The following KLHL18 variants were observed in gnomAD, a reference collection of about 807,000 sequenced individuals.
KLHL18 encodes the protein kelch-like protein 18.
KLHL18 carries 38 observed loss-of-function variants against 58.5 expected under a neutral mutation model. That is an observed-to-expected ratio of 0.65 (90% CI 0.50 to 0.85). The LOEUF is 0.85. Among genes scored for constraint, KLHL18 ranks in the 40% least tolerant of loss-of-function variants. The pLI is 0.00. For missense variants in KLHL18, 624 were observed against 778.4 expected, an observed-to-expected ratio of 0.80 and a Z score of 2.36; for synonymous variants, 303 against 301.9, an observed-to-expected ratio of 1.00 and a Z score of -0.04.
At chr3:47,325,354 C>G (rs554407587) in intron 3 of KLHL18, among the ~76,000 whole-genome samples, 6 of 152,046 alleles carry the variant, frequency 3.9e-5, no homozygotes, top group Admixed American at 2.0e-4. Flanking sequence ...CCTGCCACCA[C>G]GCCTGGCTAA....
intron 3 of KLHL18, among the ~76,000 whole-genome samples, chr3:47,329,461 T>A (rs935983188): frequency 5.3e-5 from 8 of 152,132 alleles, no homozygotes; most frequent in Admixed American, 1.3e-4. Context: ...TCTCGTGACC[T>A]CGTGATCTGC....
chr3:47,292,936 A>C (rs1487321902), intron 1 of KLHL18, among the ~76,000 whole-genome samples: 1 of 151,648 alleles, frequency 6.6e-6, no homozygotes, highest in Non-Finnish European at 1.5e-5. Flanking sequence ...ATATACATAC[A>C]GTGAAATATT....
At chr3:47,325,516 G>T (rs1383643216) in intron 3 of KLHL18, among the ~76,000 whole-genome samples, 2 of 152,126 alleles carry the variant, frequency 1.3e-5, no homozygotes, top group Non-Finnish European at 1.5e-5. Flanking sequence ...TCATTTTCAA[G>T]ATTTGATTGC....
chr3:47,341,697 C>T (rs1441184807), intron 8 of KLHL18, among the ~76,000 whole-genome samples: 6 of 151,946 alleles, frequency 3.9e-5, no homozygotes, highest in African/African-American at 7.3e-5. Flanking sequence ...GGATGGGAGA[C>T]GGAGCAGGGT....
chr3:47,288,695 A>G (rs191777166), intron 1 of KLHL18, among the ~76,000 whole-genome samples: 78 of 152,002 alleles, frequency 5.1e-4, no homozygotes, highest in South Asian at 2.1e-3. Flanking sequence ...AAAGAGTAAC[A>G]TATTCATTTA....
intron 1 of KLHL18, among the ~76,000 whole-genome samples, chr3:47,317,168 A>G (rs1443406284): frequency 1.3e-5 from 2 of 152,176 alleles, no homozygotes; most frequent in Non-Finnish European, 2.9e-5. Context: ...GGCTGAGTGC[A>G]GTGGTACGGT....
chr3:47,325,283 C>T (rs190974930), intron 3 of KLHL18, among the ~76,000 whole-genome samples: 37 of 152,034 alleles, frequency 2.4e-4, no homozygotes, highest in Admixed American at 2.6e-4. Flanking sequence ...CTGCAAGCTC[C>T]GCCTCCTGTG....
Position 47,334,550 on chromosome 3 carries a change from G to T in KLHL18, c.762-133G>T. 8.1e-6 allele frequency: 8 copies of T among 982,626 alleles called. No homozygotes were observed. The highest frequency in any genetic ancestry group is 1.6e-5 in the African/African-American group (1 of 61,924). 60.9% of individuals were successfully genotyped at this position (982,626 alleles called of 1,614,324 possible). The stretch of plus-strand genomic sequence containing the variant: ...CCCAGAACTCACCTGGTTTCTTTGA[G>T]ACCAGACCTTCCAGAAGGCTTCTCC... On this transcript the variant is annotated intron_variant, in intron 5 of 9. Transcript: ENST00000232766. This position sits in a 1 kb window ranked among gnomAD's most constrained non-coding sequence, Gnocchi z 4.7.
At chr3:47,311,603 A>C (rs1227485391) in intron 1 of KLHL18, among the ~76,000 whole-genome samples, 2 of 152,170 alleles carry the variant, frequency 1.3e-5, no homozygotes, top group Admixed American at 6.5e-5. Flanking sequence ...GAGGCAGGAG[A>C]ATCACTTGAA....
chr3:47,319,875 A>G (rs901869586), intron 2 of KLHL18, 92 bp downstream of exon 2: 16 of 1,308,476 alleles, frequency 1.2e-5, no homozygotes, highest in Admixed American at 1.8e-5. Context: ...AGCAGGACAC[A>G]GTGTCTAATA....
At chr3:47,329,923 A>ATTTTTTTTTTTT in intron 3 of KLHL18, 28 bp from the exon 4 acceptor site, 1 of 1,451,856 alleles carries the variant, frequency 6.9e-7, no homozygotes, top group Non-Finnish European at 9.5e-7. Flanking sequence ...TCTTCCTCTA[A>ATTTTTTTTTTTT]TTTTTTTTTT....
intron 1 of KLHL18, among the ~76,000 whole-genome samples, chr3:47,317,385 A>G (rs961084327): frequency 6.6e-6 from 1 of 152,196 alleles, no homozygotes; most frequent in Admixed American, 6.5e-5. Flanking sequence ...AAGTGCTGAG[A>G]TTACAGGTGT....
intron 1 of KLHL18, among the ~76,000 whole-genome samples, chr3:47,289,566 TGTG>T (rs1219924555): frequency 6.6e-6 from 1 of 152,198 alleles, no homozygotes; most frequent in Non-Finnish European, 1.5e-5. Context: ...ATTTTTATGT[TGTG>T]TATATAGTAC....
At chr3:47,287,508 CAG>C (rs777027702) in intron 1 of KLHL18, 2 of 151,284 alleles carry the variant, frequency 1.3e-5, no homozygotes, top group Non-Finnish European at 2.9e-5. Flanking sequence ...TTTTTTGAGA[CAG>C]AGTCTTGCTC....
At chr3:47,333,581 C>A (rs780988441) in intron 5 of KLHL18, among the ~76,000 whole-genome samples, 1 of 152,242 alleles carries the variant, frequency 6.6e-6, no homozygotes, top group Non-Finnish European at 1.5e-5. Flanking sequence ...GATTTTCCAG[C>A]ATCTTTCCCC....
chr3:47,336,560 G>T lies in KLHL18; in HGVS notation c.924G>T (p.Val308=). 2 of 1,614,126 alleles carry T rather than the reference G, an allele frequency of 1.2e-6. No individual in the cohort carries two copies. The highest frequency in any genetic ancestry group is 1.7e-6 in the Non-Finnish European group (2 of 1,179,944). The stretch of plus-strand genomic sequence containing the variant: ...GTGATTCCCTGAATGTGGTGGAAGT[G>T]TTCGACCCCATTGCCAATTGCTGGG... ...SAGDSLNVVE[V]FDPIANCWER... The change falls in exon 7 of 10, where the codon GTG becomes GTT. Residue 308 remains valine, a synonymous_variant. Coordinates refer to ENST00000232766, the MANE Select transcript of KLHL18 (RefSeq NM_025010.5).
At chr3:47,316,327 A>G (rs1350085332) in intron 1 of KLHL18, among the ~76,000 whole-genome samples, 1 of 151,820 alleles carries the variant, frequency 6.6e-6, no homozygotes, top group Admixed American at 6.6e-5. Context: ...GGATTTCTCA[A>G]TAACAACAAA....
Position 47,336,758 on chromosome 3 carries a change from G to A in KLHL18, c.1121+1G>A. The A allele has an allele frequency of 6.2e-7, 1 of 1,612,340 alleles. No individual in the cohort carries two copies. The highest frequency in any genetic ancestry group is 8.5e-7 in the Non-Finnish European group (1 of 1,178,352). On this transcript the variant is annotated splice_donor_variant, in intron 7 of 9. Transcript: ENST00000232766. LOFTEE classifies it high-confidence loss of function. ...TGGGGAGCATGAATAGCAAGAGAAG[G>A]TATTCTGGAAGCCACGTGCAGCCCG...
chr3:47,327,730 C>G (rs1703758844), intron 3 of KLHL18, among the ~76,000 whole-genome samples: 4 of 152,204 alleles, frequency 2.6e-5, no homozygotes, highest in Non-Finnish European at 5.9e-5. Context: ...AGAGCAAGCT[C>G]AGGCTGGAAT....
Sources: allele counts gnomAD v4.1 joint callset (sites outside exome capture counted in the v4.1 genomes callset), GRCh38; gene constraint gnomAD v4.1.1; non-coding constraint Gnocchi (gnomAD v3.1); transcripts MANE v1.5; gene names NCBI Gene and HGNC (gene_info 2026-07-23, HGNC 2026-07-21).